The following FRS2 variants were observed in gnomAD, a reference collection of about 807,000 sequenced individuals.
FRS2 encodes fibroblast growth factor receptor substrate 2, also known as FGFR signalling adaptor.
Under a neutral mutation model 43.9 loss-of-function variants are expected in FRS2, and 8 were observed. The observed-to-expected ratio is 0.18, with a 90% CI of 0.11 to 0.33. The LOEUF (loss-of-function observed/expected upper bound fraction) is 0.33. Among genes scored for constraint, FRS2 ranks in the 10% least tolerant of loss-of-function variants. FRS2 has a pLI of 1.00. For missense variants in FRS2, 534 were observed against 627.6 expected, an observed-to-expected ratio of 0.85 and a Z score of 1.59; for synonymous variants, 219 against 220.3, an observed-to-expected ratio of 0.99 and a Z score of 0.05.
At chr12:69,501,221 C>T (rs1471087003) in intron 1 of FRS2, among the ~76,000 whole-genome samples, 1 of 151,838 alleles carries the variant, frequency 6.6e-6, no homozygotes, top group African/African-American at 2.4e-5. Flanking sequence ...TACAACCTCC[C>T]CCCTCCCCCT....
At position 69,470,468 on chromosome 12, in the gene FRS2, C is replaced by A. The variant is rs940946748; in HGVS notation, c.-323C>A. The A allele has an allele frequency of 1.5e-5, 6 of 398,596 alleles. No homozygotes were observed. In the Admixed American group the frequency reaches 2.2e-4, roughly 15 times the overall value. 24.7% of individuals were successfully genotyped at this position (398,596 alleles called of 1,614,324 possible). On this transcript the variant is annotated 5_prime_UTR_variant, in exon 1 of 9. Coordinates refer to ENST00000549921, the MANE Select transcript of FRS2 (RefSeq NM_001278356.2). ...TCCAAGTAGGGGCTCCAGCGCGGGTCGGAGTCTGGGGGTTCGCGCCCGCCG... is the reference window on the plus strand; with the variant it reads ...TCCAAGTAGGGGCTCCAGCGCGGGTAGGAGTCTGGGGGTTCGCGCCCGCCG...
chr12:69,490,307 T>C (rs1872356468), intron 1 of FRS2, among the ~76,000 whole-genome samples: 1 of 152,186 alleles, frequency 6.6e-6, no homozygotes, highest in African/African-American at 2.4e-5. Context: ...TTGAAAAAGA[T>C]GAACTGTTTC....
chr12:69,547,075 A>T (rs572365899), intron 3 of FRS2, among the ~76,000 whole-genome samples: 1 of 152,360 alleles, frequency 6.6e-6, no homozygotes, highest in Admixed American at 6.5e-5. Context: ...AACATGGATG[A>T]ACCTTGAAGA....
At chr12:69,531,989 C>T (rs1224909305) in intron 2 of FRS2, 25 bp from the exon 3 acceptor site, 7 of 152,534 alleles carry the variant, frequency 4.6e-5, no homozygotes, top group Non-Finnish European at 8.8e-5. Flanking sequence ...CTAACATTTC[C>T]ACTTTCTACC....
chr12:69,539,836 T>C (rs1208618984), intron 3 of FRS2, among the ~76,000 whole-genome samples: 1 of 152,042 alleles, frequency 6.6e-6, no homozygotes, highest in Non-Finnish European at 1.5e-5. Flanking sequence ...GCGCCTGTAA[T>C]CCCAGCTACT....
intron 1 of FRS2, among the ~76,000 whole-genome samples, chr12:69,523,819 C>T (rs910987761): frequency 1.3e-5 from 2 of 152,174 alleles, no homozygotes; most frequent in African/African-American, 4.8e-5. Context: ...CTTATTTCTC[C>T]TTCATTTATG....
At chr12:69,492,828 G>A (rs1045152009) in intron 1 of FRS2, among the ~76,000 whole-genome samples, 1 of 152,186 alleles carries the variant, frequency 6.6e-6, no homozygotes, top group African/African-American at 2.4e-5. Context: ...GTTCCATGGT[G>A]GAGCAAAACA....
intron 1 of FRS2, among the ~76,000 whole-genome samples, chr12:69,521,660 G>A (rs1875654727): frequency 6.6e-6 from 1 of 152,012 alleles, no homozygotes; most frequent in Admixed American, 6.6e-5. Context: ...CTTTCACCCA[G>A]GCTGGAGTGC....
intron 1 of FRS2, among the ~76,000 whole-genome samples, chr12:69,493,974 C>T (rs969846732): frequency 7.2e-5 from 11 of 152,132 alleles, no homozygotes; most frequent in African/African-American, 1.9e-4. Context: ...CCCATCAATC[C>T]ATGAGCTTTT....
intron 3 of FRS2, among the ~76,000 whole-genome samples, chr12:69,538,569 TA>T (rs1877565903): frequency 1.3e-5 from 2 of 149,168 alleles, no homozygotes; most frequent in African/African-American, 5.2e-5. Flanking sequence ...ATGTTTAAGG[TA>T]AGGAGTGTGT....
intron 1 of FRS2, among the ~76,000 whole-genome samples, chr12:69,501,461 A>G (rs1462396069): frequency 6.6e-6 from 1 of 152,246 alleles, no homozygotes; most frequent in Non-Finnish European, 1.5e-5. Flanking sequence ...GAAGAGATGT[A>G]TTAGAATTAG....
intron 1 of FRS2, among the ~76,000 whole-genome samples, chr12:69,477,826 C>T (rs2870897): frequency 0.019 from 2,849 of 150,706 alleles, 143 homozygotes; most frequent in African/African-American, 0.066. Context: ...CTGCAAGCTC[C>T]GCCTTCTGGG....
intron 1 of FRS2, among the ~76,000 whole-genome samples, chr12:69,482,039 T>C (rs1023831683): frequency 1.3e-5 from 2 of 151,562 alleles, no homozygotes; most frequent in Non-Finnish European, 2.9e-5. Context: ...AGTAATAATA[T>C]ACCTTATATT....
At chr12:69,474,736 C>T (rs776530592) in intron 1 of FRS2, among the ~76,000 whole-genome samples, 3 of 152,118 alleles carry the variant, frequency 2.0e-5, no homozygotes, top group Non-Finnish European at 2.9e-5. Context: ...TTCTTTTGGA[C>T]ATTTGTTTGG....
At chr12:69,503,851 ACCAGTG>A (rs1325188370) in intron 1 of FRS2, among the ~76,000 whole-genome samples, 1 of 152,200 alleles carries the variant, frequency 6.6e-6, no homozygotes, top group African/African-American at 2.4e-5. Context: ...TGAGAACAAC[ACCAGTG>A]CTTTTATTTT....
chr12:69,565,769 C>T (rs1880244168), intron 4 of FRS2, among the ~76,000 whole-genome samples: 2 of 152,032 alleles, frequency 1.3e-5, no homozygotes, highest in Non-Finnish European at 2.9e-5. Flanking sequence ...GAAAACTGCA[C>T]CTTCTTCTGG....
At chr12:69,537,337 ATT>A (rs11327480) in intron 3 of FRS2, among the ~76,000 whole-genome samples, 1 of 150,136 alleles carries the variant, frequency 6.7e-6, no homozygotes, top group African/African-American at 2.4e-5. Flanking sequence ...TTCTATGATA[ATT>A]TTTTTTTTTA....
At chr12:69,562,594 CTAATT>C (rs1348698904) in intron 4 of FRS2, among the ~76,000 whole-genome samples, 1 of 152,202 alleles carries the variant, frequency 6.6e-6, no homozygotes, top group Non-Finnish European at 1.5e-5. Context: ...GACATGTTTA[CTAATT>C]TAAAGTATTC....
At chr12:69,495,019 C>T (rs957155637) in intron 1 of FRS2, among the ~76,000 whole-genome samples, 18 of 152,158 alleles carry the variant, frequency 1.2e-4, no homozygotes, top group Non-Finnish European at 5.9e-5. Context: ...GATCCACCCA[C>T]CTTGGCCTCC....
Sources: gnomAD v4.1 joint callset for allele counts (sites outside exome capture counted in the v4.1 genomes callset) on GRCh38, gnomAD v4.1.1 for gene constraint, MANE v1.5 for transcripts, NCBI Gene and HGNC (gene_info 2026-07-23, HGNC 2026-07-21) for gene names.